SORCS2: variants seen among roughly 807,000 people sequenced by gnomAD.
SORCS2 encodes the protein VPS10 domain-containing receptor SorCS2.
Under a neutral mutation model 141.6 loss-of-function variants are expected in SORCS2, and 100 were observed. That is an observed-to-expected ratio of 0.71 (90% CI 0.60 to 0.83). The LOEUF (loss-of-function observed/expected upper bound fraction) is 0.83, where lower values mean the gene tolerates loss of function less well. Ranked by LOEUF, SORCS2 falls within the 40% of genes least tolerant of loss-of-function variation. The probability of loss-of-function intolerance (pLI) is 0.00; values close to 1 mark genes in which losing one functional copy is unlikely to be tolerated. For synonymous variants in SORCS2, 789 were observed against 676.9 expected (o/e 1.17, Z -2.57); for missense variants, 1,646 against 1,560.2 (o/e 1.05, Z -0.93).
At chr4:7,195,595 A>G (rs571589037) in intron 1 of SORCS2, among the ~76,000 whole-genome samples, 1 of 152,350 alleles carries the variant, frequency 6.6e-6, no homozygotes, top group African/African-American at 2.4e-5. Context: ...AAGAGGCAAG[A>G]AGGCTGTTAT....
intron 2 of SORCS2, among the ~76,000 whole-genome samples, chr4:7,499,014 G>A (rs1016202): frequency 0.21 from 31,677 of 152,198 alleles, 4,152 homozygotes; most frequent in Middle Eastern, 0.34. Context: ...GGGCAGCACC[G>A]TGGAGACGGG....
rs573737084 is a variant in SORCS2, at chr4:7,320,762, G to T, written c.481-75526G>T. 2.0e-5 allele frequency among the ~76,000 whole-genome samples: 3 copies of T among 152,262 alleles called. No individual in the cohort carries two copies. The South Asian group carries it at 6.2e-4, about 32-fold the overall frequency. On this transcript the variant is annotated intron_variant, in intron 1 of 26. Coordinates refer to ENST00000507866, the MANE Select transcript of SORCS2 (RefSeq NM_020777.3). Reference sequence around the variant, plus strand: ...GGAAAGGTCAAGGGTGAGATGGAAAGCGTGATTGGAGAGCCAGGATGCTCC... The same window carrying T: ...GGAAAGGTCAAGGGTGAGATGGAAATCGTGATTGGAGAGCCAGGATGCTCC...
intron 3 of SORCS2, among the ~76,000 whole-genome samples, chr4:7,626,914 C>T (rs1719548844): frequency 6.6e-6 from 1 of 152,218 alleles, no homozygotes; most frequent in Non-Finnish European, 1.5e-5. Flanking sequence ...TCCCCATCCT[C>T]ATCCTCGATG....
At chr4:7,209,583 G>C (rs1482858105) in intron 1 of SORCS2, among the ~76,000 whole-genome samples, 4 of 152,162 alleles carry the variant, frequency 2.6e-5, no homozygotes, top group Non-Finnish European at 4.4e-5. Flanking sequence ...TGGTGGGTGG[G>C]CTCGTCCCCT....
chr4:7,436,151 AG>A, intron 2 of SORCS2, among the ~76,000 whole-genome samples: 1 of 152,304 alleles, frequency 6.6e-6, no homozygotes, highest in Non-Finnish European at 1.5e-5. Flanking sequence ...GGACCAGTGG[AG>A]GGGACAGTCT....
At chr4:7,479,754 T>C (rs114054571) in intron 2 of SORCS2, among the ~76,000 whole-genome samples, 2,097 of 152,354 alleles carry the variant, frequency 0.014, 44 homozygotes, top group African/African-American at 0.048. Flanking sequence ...GGTTCTAGGA[T>C]ACAGATGCTC....
At chr4:7,419,482 G>T (rs1489622831) in intron 2 of SORCS2, among the ~76,000 whole-genome samples, 1 of 152,166 alleles carries the variant, frequency 6.6e-6, no homozygotes, top group Non-Finnish European at 1.5e-5. Flanking sequence ...TGTATTGAAT[G>T]GACCACATGC....
chr4:7,490,277 G>T (rs116719136), intron 2 of SORCS2, among the ~76,000 whole-genome samples: 145 of 152,230 alleles, frequency 9.5e-4, no homozygotes, highest in African/African-American at 3.2e-3. Flanking sequence ...GACTCGGCCT[G>T]GGGGGAGCTC....
intron 26 of SORCS2, among the ~76,000 whole-genome samples, chr4:7,739,611 G>GGGCGAGGACTCA (rs1712483889): frequency 6.6e-6 from 1 of 152,154 alleles, no homozygotes; most frequent in Admixed American, 6.5e-5. Context: ...GGTGAAGGAT[G>GGGCGAGGACTCA]GGCGAGGACT....
At chr4:7,347,290 A>G (rs960281770) in intron 1 of SORCS2, among the ~76,000 whole-genome samples, 1 of 152,140 alleles carries the variant, frequency 6.6e-6, no homozygotes, top group African/African-American at 2.4e-5. Context: ...ATATGTTGTT[A>G]TTGTCCACCT....
intron 1 of SORCS2, among the ~76,000 whole-genome samples, chr4:7,336,187 G>A (rs900216972): frequency 6.6e-6 from 1 of 152,202 alleles, no homozygotes; most frequent in African/African-American, 2.4e-5. Context: ...CCTGCCCTGC[G>A]TCCTGGTCGA....
chr4:7,218,163 G>A (rs1249281046), intron 1 of SORCS2, among the ~76,000 whole-genome samples: 2 of 152,154 alleles, frequency 1.3e-5, no homozygotes, highest in Non-Finnish European at 1.5e-5. Context: ...GACTTGGCCC[G>A]AGTAGAAGGT....
rs1726957003 is a variant in SORCS2 at position 7,193,208 on chromosome 4, C to T, written c.480+82C>T. 3 of 1,361,770 alleles carry T rather than the reference C, an allele frequency of 2.2e-6. No individual in the cohort carries two copies. Among genetic ancestry groups the T allele is most frequent in the Non-Finnish European group, 2.8e-6 (3 of 1,059,426 alleles). 84.4% of individuals were successfully genotyped at this position (1,361,770 alleles called of 1,614,324 possible). ...GGGCGGGACCGCCACGGCCCCCACC[C>T]CAGATCCCCACTATGGTCATCAGGG... On this transcript the variant is annotated intron_variant, in intron 1 of 26. Coordinates refer to ENST00000507866, the MANE Select transcript of SORCS2 (RefSeq NM_020777.3). This position sits in a 1 kb window ranked among gnomAD's most constrained non-coding sequence, Gnocchi z 4.8.
chr4:7,620,476 G>T (rs1032216848), intron 3 of SORCS2, among the ~76,000 whole-genome samples: 2 of 152,220 alleles, frequency 1.3e-5, no homozygotes, highest in Non-Finnish European at 2.9e-5. Flanking sequence ...TCCATCTGTG[G>T]ACTGCCTGGG....
intron 3 of SORCS2, among the ~76,000 whole-genome samples, chr4:7,597,710 G>C (rs1717374960): frequency 6.7e-6 from 1 of 150,056 alleles, no homozygotes; most frequent in Non-Finnish European, 1.5e-5. Flanking sequence ...TATTGCAAGG[G>C]GGGAGAGGCT....
intron 3 of SORCS2, among the ~76,000 whole-genome samples, chr4:7,576,253 G>A (rs1373918323): frequency 2.0e-5 from 3 of 152,218 alleles, no homozygotes; most frequent in East Asian, 1.9e-4. Context: ...GGGAGTCATC[G>A]GGAGGCGTGG....
At chr4:7,575,420 T>C (rs759305295) in intron 3 of SORCS2, among the ~76,000 whole-genome samples, 1 of 152,216 alleles carries the variant, frequency 6.6e-6, no homozygotes, top group Non-Finnish European at 1.5e-5. Flanking sequence ...AAATCCAGTG[T>C]ATAATTTAGC....
At chr4:7,734,460 A>G (rs1481290538) in intron 25 of SORCS2, 86 bp downstream of exon 25, 2 of 952,914 alleles carry the variant, frequency 2.1e-6, no homozygotes, top group African/African-American at 1.7e-5. Flanking sequence ...CAGATCTAGA[A>G]AGGGCCCCAG....
At chr4:7,561,831 C>G (rs1714605311) in intron 3 of SORCS2, among the ~76,000 whole-genome samples, 1 of 151,882 alleles carries the variant, frequency 6.6e-6, no homozygotes, top group Admixed American at 6.6e-5. Context: ...ATCTGCCCAT[C>G]CATCCTTCCA....
Sources: gnomAD v4.1 joint callset for allele counts (sites outside exome capture counted in the v4.1 genomes callset) on GRCh38, gnomAD v4.1.1 for gene constraint, Gnocchi (gnomAD v3.1) non-coding constraint, MANE v1.5 for transcripts, NCBI Gene and HGNC (gene_info 2026-07-23, HGNC 2026-07-21) for gene names.